The following ATXN1 variants were observed in gnomAD, a reference collection of about 807,000 sequenced individuals.
ATXN1 encodes the protein ataxin-1.
Under a neutral mutation model 56.4 loss-of-function variants are expected in ATXN1, and 8 were observed. That is an observed-to-expected ratio of 0.14 (90% CI 0.08 to 0.26). The LOEUF (loss-of-function observed/expected upper bound fraction) is 0.26, where lower values mean the gene tolerates loss of function less well. Among genes scored for constraint, ATXN1 ranks in the 10% least tolerant of loss-of-function variants. The pLI, the probability that ATXN1 is intolerant of heterozygous loss-of-function variation, is 1.00. For missense variants in ATXN1, 987 were observed against 1,106.5 expected (o/e 0.89, Z 1.53); for synonymous variants, 514 against 494.6 (o/e 1.04, Z -0.52).
intron 6 of ATXN1, among the ~76,000 whole-genome samples, chr6:16,401,681 C>T (rs1758574189): frequency 6.6e-6 from 1 of 152,178 alleles, no homozygotes; most frequent in African/African-American, 2.4e-5. Context: ...TGACTTTTAG[C>T]TCTTCAGTTC....
chr6:16,479,429 T>C (rs1039236485), intron 6 of ATXN1, among the ~76,000 whole-genome samples: 2 of 152,246 alleles, frequency 1.3e-5, no homozygotes, highest in Admixed American at 1.3e-4. Context: ...AATAATTTAT[T>C]ACATAGCTAC....
chr6:16,362,244 G>A (rs967783257), intron 6 of ATXN1, among the ~76,000 whole-genome samples: 3 of 152,156 alleles, frequency 2.0e-5, no homozygotes, highest in African/African-American at 7.2e-5. Context: ...CTGACTGGAC[G>A]GATGGCTTTG....
At chr6:16,473,956 C>T (rs1581787168) in intron 6 of ATXN1, among the ~76,000 whole-genome samples, 1 of 152,214 alleles carries the variant, frequency 6.6e-6, no homozygotes, top group East Asian at 1.9e-4. Flanking sequence ...CATGTCTCTA[C>T]ACATCTCATT....
chr6:16,506,013 A>AG lies in ATXN1; in HGVS notation c.-299+16613dup, dbSNP rs1359899549. 6.6e-6 allele frequency among the ~76,000 whole-genome samples: 1 copy of AG among 152,104 alleles called. No individual in the cohort carries two copies. Among genetic ancestry groups the AG allele is most frequent in the Non-Finnish European group, 1.5e-5 (1 of 68,020 alleles). On this transcript the variant is annotated intron_variant, in intron 5 of 7. Transcript: ENST00000436367. This position sits in a 1 kb window ranked among gnomAD's most constrained non-coding sequence, Gnocchi z 4.1. ...TGATTCTCCTTTTCACTTCATCTGG[A>AG]GGGCAGTGTCTTCCCTCCTAGAAGA...
chr6:16,753,082 T>C (rs1275115477), intron 2 of ATXN1, 151 bp downstream of exon 2: 2 of 347,712 alleles, frequency 5.8e-6, no homozygotes, highest in Non-Finnish European at 1.1e-5. Context: ...ATCTTGGCAA[T>C]TTCTCAACTT....
intron 3 of ATXN1, among the ~76,000 whole-genome samples, chr6:16,643,021 G>A (rs10949372): frequency 0.28 from 41,964 of 152,012 alleles, 6,212 homozygotes; most frequent in Non-Finnish European, 0.34. Flanking sequence ...TGTAATCCCA[G>A]CACTTTGGGA....
intron 3 of ATXN1, among the ~76,000 whole-genome samples, chr6:16,644,687 G>A (rs1013919696): frequency 2.6e-5 from 4 of 152,022 alleles, no homozygotes; most frequent in East Asian, 3.9e-4. Context: ...GAGACACAGC[G>A]TGCTGCTCTA....
Position 16,327,866 on chromosome 6 carries a change from G to C in ATXN1, c.445C>G (p.Pro149Ala), listed in dbSNP as rs763415634. 1.9e-6 allele frequency: 3 copies of C among 1,607,284 alleles called. No individual in the cohort carries two copies. Among genetic ancestry groups the C allele is most frequent in the Non-Finnish European group, 2.5e-6 (3 of 1,179,912 alleles). ...YASFIPSQLI[P>A]PTANPVTSAV... is the part of the protein sequence containing the mutation. Reference sequence around the variant, plus strand: ...CTGGTGACGGGGTTGGCGGTTGGGGGGATCAGCTGTGATGGGATGAAGCTG... The same window carrying C: ...CTGGTGACGGGGTTGGCGGTTGGGGCGATCAGCTGTGATGGGATGAAGCTG... Residue 149 changes from proline to alanine, a missense_variant, in exon 7 of 8, where the codon CCC (proline) becomes GCC (alanine). Pro to Ala is a conservative substitution (Grantham distance 27, BLOSUM62 -1). Around this residue, in one of 3 missense-constraint regions of ATXN1, gnomAD observed 723 missense variants for 791.7 expected, o/e 0.91. Transcript: ENST00000436367.
intron 5 of ATXN1, among the ~76,000 whole-genome samples, chr6:16,486,741 G>A (rs1222451098): frequency 2.0e-5 from 3 of 152,164 alleles, no homozygotes; most frequent in Non-Finnish European, 4.4e-5. Context: ...CAGGAAGCTA[G>A]GAGAAAGAGT....
intron 6 of ATXN1, among the ~76,000 whole-genome samples, chr6:16,482,521 T>C (rs1030885668): frequency 6.6e-6 from 1 of 152,212 alleles, no homozygotes; most frequent in African/African-American, 2.4e-5. Flanking sequence ...GAATTCCTAC[T>C]TAAGGAAGCA....
intron 6 of ATXN1, among the ~76,000 whole-genome samples, chr6:16,477,879 A>G (rs1172125173): frequency 1.3e-5 from 2 of 152,176 alleles, no homozygotes; most frequent in Admixed American, 6.5e-5. Flanking sequence ...TGATACACTT[A>G]GTAAGTGACG....
chr6:16,595,925 A>G (rs976318834), intron 3 of ATXN1, among the ~76,000 whole-genome samples: 8 of 152,148 alleles, frequency 5.3e-5, no homozygotes, highest in Non-Finnish European at 1.2e-4. Flanking sequence ...GTGAGCTGGA[A>G]CCCAGCCAGG....
At chr6:16,357,955 C>T (rs1761725202) in intron 6 of ATXN1, among the ~76,000 whole-genome samples, 1 of 152,106 alleles carries the variant, frequency 6.6e-6, no homozygotes, top group African/African-American at 2.4e-5. Context: ...CATACAGGAA[C>T]TCTCCTGAAA....
intron 5 of ATXN1, among the ~76,000 whole-genome samples, chr6:16,504,672 T>C (rs915164165): frequency 7.2e-5 from 11 of 152,162 alleles, no homozygotes; most frequent in African/African-American, 2.7e-4. Context: ...CTCAGGTGAA[T>C]GGGATGAGGC....
At chr6:16,678,937 G>A (rs1758742021) in intron 2 of ATXN1, among the ~76,000 whole-genome samples, 1 of 152,084 alleles carries the variant, frequency 6.6e-6, no homozygotes, top group African/African-American at 2.4e-5. Context: ...TTGGGAGGCT[G>A]AGGCAGTAGA....
intron 2 of ATXN1, among the ~76,000 whole-genome samples, chr6:16,707,029 A>G (rs1759424361): frequency 6.6e-6 from 1 of 152,166 alleles, no homozygotes; most frequent in South Asian, 2.1e-4. Context: ...CTCAAATTCA[A>G]AAGATGAAGA....
intron 6 of ATXN1, among the ~76,000 whole-genome samples, chr6:16,401,010 G>A (rs904198188): frequency 6.6e-6 from 1 of 152,018 alleles, no homozygotes; most frequent in Non-Finnish European, 1.5e-5. Flanking sequence ...CTTTGGGGAT[G>A]TTAAAATATC....
chr6:16,408,058 A>C (rs1337833395), intron 6 of ATXN1, among the ~76,000 whole-genome samples: 1 of 152,118 alleles, frequency 6.6e-6, no homozygotes, highest in Non-Finnish European at 1.5e-5. Flanking sequence ...GGGATATAAC[A>C]TTAGGAATAT....
intron 4 of ATXN1, among the ~76,000 whole-genome samples, chr6:16,526,401 T>C (rs1761395328): frequency 6.6e-6 from 1 of 152,158 alleles, no homozygotes; most frequent in African/African-American, 2.4e-5. Context: ...TTGTTTTGGT[T>C]TGAGTGGGTG....
Sources: allele counts gnomAD v4.1 joint callset (sites outside exome capture counted in the v4.1 genomes callset), GRCh38; gene constraint gnomAD v4.1.1; regional missense constraint gnomAD v4.1.1; non-coding constraint Gnocchi (gnomAD v3.1); transcripts MANE v1.5; gene names NCBI Gene and HGNC (gene_info 2026-07-23, HGNC 2026-07-21).